GALNT3: variants seen among roughly 807,000 people sequenced by gnomAD.
GALNT3 encodes the protein GalNAc transferase 3.
GALNT3 carries 51 observed loss-of-function variants against 69.8 expected under a neutral mutation model. The observed-to-expected ratio is 0.73, with a 90% CI of 0.58 to 0.92. GALNT3 has a LOEUF of 0.92. Among genes scored for constraint, GALNT3 ranks in the 40% least tolerant of loss-of-function variants. The pLI is 0.00. For synonymous variants in GALNT3, 265 were observed against 248.5 expected (o/e 1.07, Z -0.63); for missense variants, 711 against 760.0 (o/e 0.94, Z 0.76).
chr2:165,751,808 G>A (rs1234354571), intron 9 of GALNT3, among the ~76,000 whole-genome samples: 1 of 151,972 alleles, frequency 6.6e-6, no homozygotes, highest in Non-Finnish European at 1.5e-5. Context: ...CTGATCAAAA[G>A]TAGAAGGAAA....
At chr2:165,769,804 T>C (rs1275644041) in intron 2 of GALNT3, among the ~76,000 whole-genome samples, 1 of 152,200 alleles carries the variant, frequency 6.6e-6, no homozygotes, top group Non-Finnish European at 1.5e-5. Flanking sequence ...ATTTTTATTC[T>C]AAAGAAATAC....
intron 7 of GALNT3, 54 bp downstream of exon 7, chr2:165,756,993 C>T (rs1688455546): frequency 9.6e-6 from 13 of 1,355,828 alleles, no homozygotes; most frequent in Middle Eastern, 1.9e-4. Flanking sequence ...CGCAAAAGGA[C>T]GTGTGAACTT....
intron 3 of GALNT3, among the ~76,000 whole-genome samples, chr2:165,764,672 T>C (rs1036259540): frequency 3.9e-5 from 6 of 152,212 alleles, no homozygotes; most frequent in African/African-American, 1.2e-4. Context: ...GAGGACTACA[T>C]AGTTATGAAT....
At chr2:165,763,949 C>G (rs764920168) in intron 3 of GALNT3, among the ~76,000 whole-genome samples, 1 of 152,156 alleles carries the variant, frequency 6.6e-6, no homozygotes, top group Non-Finnish European at 1.5e-5. Context: ...CTCACCATCA[C>G]AAGACATTGC....
At chr2:165,792,590 G>A (rs1683375968) in intron 1 of GALNT3, among the ~76,000 whole-genome samples, 1 of 152,080 alleles carries the variant, frequency 6.6e-6, no homozygotes, top group African/African-American at 2.4e-5. Flanking sequence ...GTTGCATCAG[G>A]CATTTTAAGT....
At chr2:165,788,364 G>A (rs931801012) in intron 1 of GALNT3, among the ~76,000 whole-genome samples, 3 of 147,192 alleles carry the variant, frequency 2.0e-5, no homozygotes, top group Non-Finnish European at 4.5e-5. Flanking sequence ...ATTGCCTGCC[G>A]ATGCCTCTCC....
intron 3 of GALNT3, among the ~76,000 whole-genome samples, chr2:165,764,397 A>C (rs1688602810): frequency 6.6e-6 from 1 of 152,174 alleles, no homozygotes; most frequent in South Asian, 2.1e-4. Flanking sequence ...TCTTCTTATA[A>C]TCAATTTCTT....
chr2:165,748,553 C>T lies in GALNT3; in HGVS notation c.*228G>A. 1.9e-6 allele frequency: 1 copy of T among 530,122 alleles called. No individual in the cohort carries two copies. The highest frequency in any genetic ancestry group is 3.4e-6 in the Non-Finnish European group (1 of 295,130). 32.8% of individuals were successfully genotyped at this position (530,122 alleles called of 1,614,324 possible). On this transcript the variant is annotated 3_prime_UTR_variant, in exon 11 of 11. Coordinates refer to ENST00000392701, the MANE Select transcript of GALNT3 (RefSeq NM_004482.4). ...CATACTGTAAACATCTCTTCCCCTA[C>T]ATCTGGACATTTTGAAATAGTCTTT...
chr2:165,788,648 T>C (rs1474479599), intron 1 of GALNT3, among the ~76,000 whole-genome samples: 1 of 151,962 alleles, frequency 6.6e-6, no homozygotes. Context: ...CAAGACCTTC[T>C]TTGAGTTTTA....
intron 1 of GALNT3, among the ~76,000 whole-genome samples, chr2:165,775,897 A>G (rs1015246713): frequency 2.0e-5 from 3 of 152,224 alleles, no homozygotes; most frequent in Admixed American, 6.5e-5. Flanking sequence ...AATAAGCCAA[A>G]GATGGGTGTT....
At position 165,765,063 on chromosome 2, in the gene GALNT3, G is replaced by T. The variant is rs769115366; in HGVS notation, c.516-7C>A. 2.5e-6 allele frequency: 4 copies of T among 1,611,288 alleles called. No homozygotes were observed. In the East Asian group the frequency reaches 8.9e-5, roughly 36 times the overall value. ...AAATTTTTGTTCAATACATCTAGAA[G>T]AAGTCAGAGAAGTAGAAAAACAATT... On this transcript the variant is annotated splice_polypyrimidine_tract_variant and splice_region_variant and intron_variant, in intron 2 of 10. Coordinates refer to ENST00000392701, the MANE Select transcript of GALNT3 (RefSeq NM_004482.4).
rs181236012 is a variant in GALNT3, at chr2:165,791,361, C to T, written c.-109+2654G>A. Among the ~76,000 whole-genome samples the T allele has an allele frequency of 1.3e-4, 20 of 152,012 alleles. No individual in the cohort carries two copies. In the East Asian group the frequency reaches 3.9e-3, roughly 29 times the overall value. ...AGAACAAAAATTCAACAGAATAGTG[C>T]TATTTTCACATTGAGGGCTCCAGCA... is the stretch of plus-strand genomic sequence containing the variant. On this transcript the variant is annotated intron_variant, in intron 1 of 10. Coordinates refer to ENST00000392701, the MANE Select transcript of GALNT3 (RefSeq NM_004482.4).
chr2:165,780,874 T>C (rs1028873423), intron 1 of GALNT3, among the ~76,000 whole-genome samples: 2 of 152,142 alleles, frequency 1.3e-5, no homozygotes, highest in Non-Finnish European at 2.9e-5. Flanking sequence ...CTGTTGTACA[T>C]CGCTAACCTT....
In GALNT3 at chr2:165,758,787, A is replaced by G; in HGVS notation, c.1151T>C (p.Met384Thr). 2 of 1,609,976 alleles carry G rather than the reference A, an allele frequency of 1.2e-6. No individual in the cohort carries two copies. Among genetic ancestry groups the G allele is most frequent in the African/African-American group, 2.7e-5 (2 of 74,936 alleles). Residue 384 changes from methionine (M) to threonine (T), a missense_variant, in exon 6 of 11, where the codon ATG (methionine) becomes ACG (threonine). Physicochemically the swap from Met to Thr is moderately conservative, Grantham distance 81 (BLOSUM62 -1). Transcript: ENST00000392701. ...TATATTTTCACCTCCCCAGATTTCC[A>G]TTTCTTCATCATAGCTTCCAATATA... ...FEYIGSYDEE[M>T]EIWGGENIEM... is the part of the protein sequence containing the mutation.
chr2:165,767,299 A>G (rs184036165), intron 2 of GALNT3, among the ~76,000 whole-genome samples: 2 of 152,020 alleles, frequency 1.3e-5, no homozygotes, highest in East Asian at 3.9e-4. Flanking sequence ...ATGATTTGTT[A>G]TAAGCATTTT....
intron 1 of GALNT3, among the ~76,000 whole-genome samples, chr2:165,786,410 C>T (rs1683220994): frequency 6.6e-6 from 1 of 152,140 alleles, no homozygotes; most frequent in Admixed American, 6.5e-5. Flanking sequence ...GTCCTGGTAT[C>T]TGCAGGAGAT....
chr2:165,759,793 G>A (rs1688511486), intron 4 of GALNT3, among the ~76,000 whole-genome samples: 1 of 152,106 alleles, frequency 6.6e-6, no homozygotes, highest in Non-Finnish European at 1.5e-5. Flanking sequence ...TGTATACATT[G>A]TAAAATGATT....
At chr2:165,789,179 C>G (rs562297878) in intron 1 of GALNT3, among the ~76,000 whole-genome samples, 26 of 152,244 alleles carry the variant, frequency 1.7e-4, no homozygotes, top group African/African-American at 6.3e-4. Context: ...ACAAATATAC[C>G]ACTCACAGCC....
At chr2:165,753,608 A>C (rs935457043) in intron 9 of GALNT3, among the ~76,000 whole-genome samples, 2 of 152,126 alleles carry the variant, frequency 1.3e-5, no homozygotes, top group African/African-American at 2.4e-5. Context: ...TCACTCAATG[A>C]ATTTGTTGAA....
Sources: gnomAD v4.1 joint callset for allele counts (sites outside exome capture counted in the v4.1 genomes callset) on GRCh38, gnomAD v4.1.1 for gene constraint, MANE v1.5 for transcripts, NCBI Gene and HGNC (gene_info 2026-07-23, HGNC 2026-07-21) for gene names.